The following GRM8 variants were observed in gnomAD, a reference collection of about 807,000 sequenced individuals.
The protein encoded by GRM8 is metabotropic glutamate receptor 8.
Under a neutral mutation model 87.2 loss-of-function variants are expected in GRM8, and 47 were observed. That is an observed-to-expected ratio of 0.54 (90% confidence interval 0.43 to 0.69). The LOEUF is 0.69. Ranked by LOEUF, GRM8 falls within the 30% of genes least tolerant of loss-of-function variation. The pLI is 0.00. For synonymous variants in GRM8, 396 were observed against 404.5 expected (o/e 0.98, Z 0.25); for missense variants, 1,019 against 1,139.2 (o/e 0.89, Z 1.52).
intron 7 of GRM8, among the ~76,000 whole-genome samples, chr7:126,620,301 T>G (rs1453101652): frequency 6.6e-6 from 1 of 152,144 alleles, no homozygotes; most frequent in Admixed American, 6.6e-5. Context: ...AACAAACTTT[T>G]CCATCCACAT....
chr7:126,484,337 A>C (rs1807095050), intron 9 of GRM8, among the ~76,000 whole-genome samples: 1 of 152,086 alleles, frequency 6.6e-6, no homozygotes, highest in Non-Finnish European at 1.5e-5. Flanking sequence ...CTACATTATG[A>C]CTAAGGAAAT....
chr7:126,881,280 A>C (rs2130992300), intron 6 of GRM8, among the ~76,000 whole-genome samples: 1 of 152,338 alleles, frequency 6.6e-6, no homozygotes, highest in East Asian at 1.9e-4. Context: ...CTTAGGGATA[A>C]ACAGTCAAGG....
At chr7:127,150,947 A>C (rs548207372) in intron 2 of GRM8, among the ~76,000 whole-genome samples, 2 of 152,246 alleles carry the variant, frequency 1.3e-5, no homozygotes, top group Admixed American at 1.3e-4. Context: ...TGCTGTCTTA[A>C]GAAGGTTGTT....
intron 6 of GRM8, among the ~76,000 whole-genome samples, chr7:126,828,929 A>G (rs1017185212): frequency 3.9e-5 from 6 of 152,102 alleles, no homozygotes; most frequent in African/African-American, 7.2e-5. Flanking sequence ...TTCAAAGAAC[A>G]TCTTTATTTC....
chr7:126,717,863 G>T (rs1296813487), intron 7 of GRM8, among the ~76,000 whole-genome samples: 1 of 152,038 alleles, frequency 6.6e-6, no homozygotes, highest in Non-Finnish European at 1.5e-5. Flanking sequence ...TAAACTCTTT[G>T]CTTATTTCTA....
intron 3 of GRM8, among the ~76,000 whole-genome samples, chr7:127,005,736 A>G (rs1177961900): frequency 1.3e-5 from 2 of 151,760 alleles, no homozygotes; most frequent in African/African-American, 4.8e-5. Context: ...TCCTGTGTTC[A>G]CCTAACAAAC....
At chr7:126,956,130 G>A (rs1808659067) in intron 3 of GRM8, among the ~76,000 whole-genome samples, 1 of 151,986 alleles carries the variant, frequency 6.6e-6, no homozygotes, top group South Asian at 2.1e-4. Context: ...TTAAAGCTTT[G>A]GGAACAAAAA....
chr7:126,649,528 A>C (rs2078808), intron 7 of GRM8, among the ~76,000 whole-genome samples: 9,715 of 152,180 alleles, frequency 0.064, 585 homozygotes, highest in East Asian at 0.31. Flanking sequence ...ACTCTTTAAT[A>C]AACTGTCTTT....
intron 6 of GRM8, among the ~76,000 whole-genome samples, chr7:126,805,910 A>G (rs1389881262): frequency 6.6e-6 from 1 of 152,196 alleles, no homozygotes; most frequent in East Asian, 1.9e-4. Flanking sequence ...ACCAGTTTCC[A>G]TTTGTACAAA....
At position 126,456,744 on chromosome 7, in the gene GRM8, G is replaced by T. The variant is rs550308808; in HGVS notation, c.2431-10372C>A. On this transcript the variant is annotated intron_variant, in intron 9 of 10. Coordinates refer to ENST00000339582, the MANE Select transcript of GRM8 (RefSeq NM_000845.3). The stretch of plus-strand genomic sequence containing the variant: ...TTATCCCAATCCCAGATTATATCAA[G>T]GTGAAATGTCTTGATATATATATTT... Among the ~76,000 whole-genome samples the T allele has an allele frequency of 2.6e-5, 4 of 151,420 alleles. No homozygotes were observed. The East Asian group carries it at 7.8e-4, about 30-fold the overall frequency.
At chr7:126,578,129 T>C (rs546311998) in intron 8 of GRM8, among the ~76,000 whole-genome samples, 200 of 152,342 alleles carry the variant, frequency 1.3e-3, no homozygotes, top group South Asian at 9.5e-3. Context: ...TATATCCATA[T>C]TTTTCCTGTT....
chr7:127,099,064 T>C (rs1586998374), intron 3 of GRM8, among the ~76,000 whole-genome samples: 1 of 152,130 alleles, frequency 6.6e-6, no homozygotes, highest in Non-Finnish European at 1.5e-5. Context: ...AATATAATAA[T>C]GTAAGACAAA....
At chr7:127,053,840 A>G (rs1255426682) in intron 3 of GRM8, among the ~76,000 whole-genome samples, 1 of 151,988 alleles carries the variant, frequency 6.6e-6, no homozygotes, top group East Asian at 1.9e-4. Flanking sequence ...ATTATACAAA[A>G]AATTCCCAAT....
At chr7:127,175,185 A>T (rs1315557352) in intron 2 of GRM8, among the ~76,000 whole-genome samples, 1 of 152,210 alleles carries the variant, frequency 6.6e-6, no homozygotes, top group Non-Finnish European at 1.5e-5. Context: ...GAAAAGTCTT[A>T]GAATCTAAAG....
At chr7:127,187,082 C>G (rs1361362319) in intron 2 of GRM8, among the ~76,000 whole-genome samples, 1 of 152,178 alleles carries the variant, frequency 6.6e-6, no homozygotes, top group East Asian at 1.9e-4. Flanking sequence ...CTCTTACCTT[C>G]AATGCATCCA....
chr7:127,095,323 GC>G (rs1314826830), intron 3 of GRM8, among the ~76,000 whole-genome samples: 1 of 152,134 alleles, frequency 6.6e-6, no homozygotes, highest in African/African-American at 2.4e-5. Flanking sequence ...GAAGCTGTTG[GC>G]CCTGGCTAAG....
chr7:126,461,070 A>C (rs1344566818), intron 9 of GRM8, among the ~76,000 whole-genome samples: 1 of 151,350 alleles, frequency 6.6e-6, no homozygotes, highest in Admixed American at 6.6e-5. Context: ...CTGGGTTCAG[A>C]TGACCTATTT....
intron 7 of GRM8, among the ~76,000 whole-genome samples, chr7:126,726,044 A>T (rs1341111864): frequency 6.6e-6 from 1 of 152,212 alleles, no homozygotes; most frequent in African/African-American, 2.4e-5. Context: ...TATCCAAGCT[A>T]CAGTATTTCT....
intron 6 of GRM8, among the ~76,000 whole-genome samples, chr7:126,892,275 T>C (rs985692556): frequency 1.3e-5 from 2 of 152,020 alleles, no homozygotes; most frequent in African/African-American, 4.8e-5. Context: ...GTATATCTCC[T>C]AATGCTATCC....
Sources: gnomAD v4.1 joint callset for allele counts (sites outside exome capture counted in the v4.1 genomes callset) on GRCh38, gnomAD v4.1.1 for gene constraint, MANE v1.5 for transcripts, NCBI Gene and HGNC (gene_info 2026-07-23, HGNC 2026-07-21) for gene names.